The following NOVA1 variants were observed in gnomAD, a reference collection of about 807,000 sequenced individuals.
NOVA1 encodes RNA-binding protein Nova-1.
NOVA1 carries 7 observed loss-of-function variants against 38.0 expected under a neutral mutation model. That is an observed-to-expected ratio of 0.18 (90% CI 0.10 to 0.35). NOVA1 has a LOEUF of 0.35. Ranked by LOEUF, NOVA1 falls within the 10% of genes least tolerant of loss-of-function variation. The pLI, the probability that NOVA1 is intolerant of heterozygous loss-of-function variation, is 1.00. For synonymous variants in NOVA1, 270 were observed against 232.5 expected, an observed-to-expected ratio of 1.16 and a Z score of -1.47; for missense variants, 460 against 616.0, an observed-to-expected ratio of 0.75 and a Z score of 2.68.
chr14:26,534,573 A>G (rs1889942383), intron 2 of NOVA1, among the ~76,000 whole-genome samples: 1 of 152,294 alleles, frequency 6.6e-6, no homozygotes, highest in South Asian at 2.1e-4. Flanking sequence ...AATACTTAAC[A>G]TAATGTTCAA....
chr14:26,450,483 ATCATT>A (rs1395054554), intron 4 of NOVA1, among the ~76,000 whole-genome samples: 1 of 152,158 alleles, frequency 6.6e-6, no homozygotes, highest in African/African-American at 2.4e-5. Flanking sequence ...TATTAATACA[ATCATT>A]TCATTTTATG....
At chr14:26,554,034 A>C (rs1891325684) in intron 2 of NOVA1, among the ~76,000 whole-genome samples, 1 of 151,766 alleles carries the variant, frequency 6.6e-6, no homozygotes, top group South Asian at 2.1e-4. Flanking sequence ...CTGTAATCCC[A>C]GCTGCTCAGG....
At chr14:26,463,993 T>A (rs1304011601) in intron 4 of NOVA1, among the ~76,000 whole-genome samples, 1 of 152,184 alleles carries the variant, frequency 6.6e-6, no homozygotes, top group Non-Finnish European at 1.5e-5. Context: ...AGGTAGGTAG[T>A]CACATTTTAC....
chr14:26,457,894 T>C (rs1470635110), intron 4 of NOVA1, among the ~76,000 whole-genome samples: 1 of 151,870 alleles, frequency 6.6e-6, no homozygotes, highest in East Asian at 1.9e-4. Context: ...TGTATAGGAG[T>C]AGGCTAATGT....
At chr14:26,543,094 A>C (rs577102813) in intron 2 of NOVA1, among the ~76,000 whole-genome samples, 2 of 152,152 alleles carry the variant, frequency 1.3e-5, no homozygotes, top group South Asian at 2.1e-4. Context: ...TGGATATCCC[A>C]ATTGTCCTGA....
At chr14:26,521,117 T>C (rs1410592747) in intron 2 of NOVA1, among the ~76,000 whole-genome samples, 1 of 151,808 alleles carries the variant, frequency 6.6e-6, no homozygotes. Flanking sequence ...TTCCAAAGAG[T>C]ACAATTTGAA....
chr14:26,591,512 A>T (rs1322750570), intron 2 of NOVA1, among the ~76,000 whole-genome samples: 1 of 151,722 alleles, frequency 6.6e-6, no homozygotes, highest in Non-Finnish European at 1.5e-5. Flanking sequence ...TATTCTTTGC[A>T]TCTAAGATCA....
chr14:26,448,598 A>T lies in NOVA1; in HGVS notation c.885T>A (p.Ala295=). 1 of 1,614,252 alleles carries T rather than the reference A, an allele frequency of 6.2e-7. No homozygotes were observed. The highest frequency in any genetic ancestry group is 8.5e-7 in the Non-Finnish European group (1 of 1,180,042). ...AAACTGCTGGAAAGGCTGCAACGCC[A>T]GCAAGGTTAGCATGTCCTAATAGCC... ...AAGLLGHANL[A]GVAAFPAVLS... is the part of the protein sequence containing the mutation. The change falls in exon 5 of 5, where the codon GCT becomes GCA. Residue 295 remains alanine (A), a synonymous_variant. Transcript: ENST00000539517. The surrounding 1 kb of genome is among the most constrained non-coding windows in gnomAD (Gnocchi z 5.3).
intron 2 of NOVA1, among the ~76,000 whole-genome samples, chr14:26,557,397 C>T (rs996691034): frequency 4.6e-5 from 7 of 152,250 alleles, no homozygotes; most frequent in African/African-American, 1.7e-4. Context: ...TTGTGACAGT[C>T]TCTCCTTGTT....
chr14:26,555,924 G>C (rs998360182), intron 2 of NOVA1, among the ~76,000 whole-genome samples: 1 of 151,992 alleles, frequency 6.6e-6, no homozygotes, highest in South Asian at 2.1e-4. Context: ...CAAAAAAATA[G>C]AAAAAGTTCA....
Position 26,546,746 on chromosome 14 carries a change from G to A in NOVA1, c.280+48664C>T, listed in dbSNP as rs560164667. On this transcript the variant is annotated intron_variant, in intron 2 of 4. Transcript: ENST00000539517. ...AAAAATTCATATAACTTGGCCGGGT[G>A]CAGTGGCTCACACCTGTAATCCCAG... Among the ~76,000 whole-genome samples the A allele has an allele frequency of 1.4e-4, 21 of 152,224 alleles. No homozygotes were observed. The South Asian group carries it at 3.7e-3, about 27-fold the overall frequency.
intron 4 of NOVA1, among the ~76,000 whole-genome samples, chr14:26,453,204 G>GTATTTATTTATT (rs71433036): frequency 1.8e-5 from 2 of 110,570 alleles, no homozygotes; most frequent in Non-Finnish European, 1.8e-5. Flanking sequence ...ATGTATGTAT[G>GTATTTATTTATT]TATGTATTTA....
intron 2 of NOVA1, among the ~76,000 whole-genome samples, chr14:26,490,638 A>C (rs915000988): frequency 1.3e-5 from 2 of 152,078 alleles, no homozygotes; most frequent in Admixed American, 6.6e-5. Flanking sequence ...TATTTTCTTT[A>C]GAGAAATATC....
chr14:26,485,668 A>T (rs1223717418), intron 2 of NOVA1, among the ~76,000 whole-genome samples: 1 of 152,168 alleles, frequency 6.6e-6, no homozygotes, highest in Non-Finnish European at 1.5e-5. Context: ...TAATGATTTG[A>T]TCCACATAGT....
Position 26,448,805 on chromosome 14 carries a change from T to C in NOVA1, c.678A>G (p.Glu226=). 6.2e-7 allele frequency: 1 copy of C among 1,614,140 alleles called. No homozygotes were observed. The highest frequency in any genetic ancestry group is 1.7e-5 in the Admixed American group (1 of 60,012). Residue 226 remains glutamate (E), a synonymous_variant, in exon 5 of 5, where the codon GAA becomes GAG. Transcript: ENST00000539517. This position sits in a 1 kb window ranked among gnomAD's most constrained non-coding sequence, Gnocchi z 5.3. ...LQERVVTVSG[E]PEQNRKAVEL... Reference sequence around the variant, plus strand: ...CAACAGCTTTTCGGTTTTGTTCAGGTTCTCCACTCACAGTGACAACCCTCT... The same window carrying C: ...CAACAGCTTTTCGGTTTTGTTCAGGCTCTCCACTCACAGTGACAACCCTCT...
intron 2 of NOVA1, among the ~76,000 whole-genome samples, chr14:26,560,462 T>G (rs1165001754): frequency 6.6e-6 from 1 of 152,114 alleles, no homozygotes; most frequent in African/African-American, 2.4e-5. Flanking sequence ...AATAGAAGAA[T>G]TAGCTTAAGG....
At chr14:26,472,939 T>A (rs1251205304) in intron 3 of NOVA1, among the ~76,000 whole-genome samples, 1 of 152,042 alleles carries the variant, frequency 6.6e-6, no homozygotes, top group Non-Finnish European at 1.5e-5. Flanking sequence ...AGTTCTGAGT[T>A]CTTAATATCA....
intron 2 of NOVA1, among the ~76,000 whole-genome samples, chr14:26,557,528 A>AT (rs375431107): frequency 0.38 from 53,986 of 140,962 alleles, 10,569 homozygotes; most frequent in East Asian, 0.53. Context: ...TGACTGGCTA[A>AT]TTTTTTTTTT....
At chr14:26,572,766 ATG>A (rs1892570978) in intron 2 of NOVA1, among the ~76,000 whole-genome samples, 2 of 68,874 alleles carry the variant, frequency 2.9e-5, no homozygotes, top group Admixed American at 1.7e-4. Context: ...GTGTGTGTGT[ATG>A]TGTGTCTGTA....
Sources: allele counts gnomAD v4.1 joint callset (sites outside exome capture counted in the v4.1 genomes callset), GRCh38; gene constraint gnomAD v4.1.1; non-coding constraint Gnocchi (gnomAD v3.1); transcripts MANE v1.5; gene names NCBI Gene and HGNC (gene_info 2026-07-23, HGNC 2026-07-21).